The following SKAP1 variants were observed in gnomAD, a reference collection of about 807,000 sequenced individuals.
SKAP1 encodes src kinase associated phosphoprotein 1.
A neutral mutation model predicts 58.5 loss-of-function variants in SKAP1; 44 were observed. The ratio of observed to expected loss-of-function variants is 0.75; its 90% confidence interval spans 0.59 to 0.97. The LOEUF (loss-of-function observed/expected upper bound fraction) is 0.97, where lower values mean the gene tolerates loss of function less well. Among genes scored for constraint, SKAP1 ranks in the 50% least tolerant of loss-of-function variants. SKAP1 has a pLI of 0.00. For synonymous variants in SKAP1, 127 were observed against 149.7 expected (o/e 0.85, Z 1.11); for missense variants, 390 against 435.2 (o/e 0.90, Z 0.92).
At chr17:48,263,256 T>G (rs2065503536) in intron 4 of SKAP1, among the ~76,000 whole-genome samples, 1 of 152,194 alleles carries the variant, frequency 6.6e-6, no homozygotes, top group African/African-American at 2.4e-5. Flanking sequence ...ATAACCAATA[T>G]GTGGTTCAGA....
chr17:48,372,130 C>G (rs2067095610), intron 2 of SKAP1, among the ~76,000 whole-genome samples: 1 of 151,850 alleles, frequency 6.6e-6, no homozygotes, highest in African/African-American at 2.4e-5. Flanking sequence ...TGCCACCATA[C>G]CCAGTTAATT....
chr17:48,292,132 C>CAAAAAAAAAA (rs67360130), intron 4 of SKAP1, among the ~76,000 whole-genome samples: 1 of 121,582 alleles, frequency 8.2e-6, no homozygotes, highest in Admixed American at 8.3e-5. Context: ...TTAGCCTATT[C>CAAAAAAAAAA]AAAAAAAAAA....
Position 48,351,062 on chromosome 17 carries a change from A to T in SKAP1, c.179-5056T>A, listed in dbSNP as rs557296538. ...AAGCTGAACTATAGTAAGGTTAGCAAAACTGCAGCTTATTGGTCCTTATTA... is the reference window on the plus strand; with the variant it reads ...AAGCTGAACTATAGTAAGGTTAGCATAACTGCAGCTTATTGGTCCTTATTA... On this transcript the variant is annotated intron_variant, in intron 3 of 12. Coordinates refer to ENST00000336915, the MANE Select transcript of SKAP1 (RefSeq NM_003726.4). Among the ~76,000 whole-genome samples the T allele has an allele frequency of 4.6e-5, 7 of 152,320 alleles. No homozygotes were observed. In the South Asian group the frequency reaches 1.5e-3, roughly 32 times the overall value.
At chr17:48,175,452 T>C (rs1283386654) in intron 9 of SKAP1, among the ~76,000 whole-genome samples, 3 of 152,192 alleles carry the variant, frequency 2.0e-5, no homozygotes, top group African/African-American at 7.2e-5. Flanking sequence ...TAGCACCTCA[T>C]CAGACAACAT....
At chr17:48,251,249 T>C (rs557339364) in intron 4 of SKAP1, among the ~76,000 whole-genome samples, 1 of 152,374 alleles carries the variant, frequency 6.6e-6, no homozygotes, top group South Asian at 2.1e-4. Context: ...AAGTCTATTC[T>C]GCAGCAGGAA....
chr17:48,166,342 C>G (rs1300923599), intron 10 of SKAP1, among the ~76,000 whole-genome samples: 1 of 152,144 alleles, frequency 6.6e-6, no homozygotes, highest in Non-Finnish European at 1.5e-5. Flanking sequence ...TCATTGCATG[C>G]CAGGTTCTTT....
At chr17:48,405,425 C>CTT (rs1242189438) in intron 1 of SKAP1, among the ~76,000 whole-genome samples, 1 of 86,000 alleles carries the variant, frequency 1.2e-5, no homozygotes, top group East Asian at 2.6e-4. Context: ...TTCTTTCTTT[C>CTT]TTTCTTTCTT....
chr17:48,181,513 C>A (rs985396246), intron 8 of SKAP1, among the ~76,000 whole-genome samples: 2 of 152,200 alleles, frequency 1.3e-5, no homozygotes, highest in Non-Finnish European at 2.9e-5. Context: ...AAAGGCATAA[C>A]TGAGTAAAAC....
chr17:48,302,068 T>C (rs1332225493), intron 4 of SKAP1, among the ~76,000 whole-genome samples: 2 of 152,216 alleles, frequency 1.3e-5, no homozygotes, highest in Non-Finnish European at 2.9e-5. Context: ...ATCATAATGA[T>C]CAATGGTAGT....
chr17:48,190,536 G>A (rs556770315), intron 4 of SKAP1, among the ~76,000 whole-genome samples: 1 of 152,108 alleles, frequency 6.6e-6, no homozygotes, highest in African/African-American at 2.4e-5. Context: ...CACCATAAAC[G>A]TAGTCACCTA....
At chr17:48,233,068 C>T (rs753165346) in intron 4 of SKAP1, among the ~76,000 whole-genome samples, 13 of 152,204 alleles carry the variant, frequency 8.5e-5, no homozygotes, top group Non-Finnish European at 1.6e-4. Context: ...GCATTTCTGC[C>T]AATCCTGATC....
intron 1 of SKAP1, among the ~76,000 whole-genome samples, chr17:48,405,417 C>CTT (rs1386319877): frequency 1.3e-5 from 1 of 77,424 alleles, no homozygotes; most frequent in African/African-American, 5.4e-5. Context: ...TTCTTTCTTT[C>CTT]TTTCTTTCTT....
the SKAP1 span, among the ~76,000 whole-genome samples, chr17:48,442,743 C>G: frequency 6.6e-6 from 1 of 152,152 alleles, no homozygotes; most frequent in Non-Finnish European, 1.5e-5. Context: ...TCTGTTGCCA[C>G]CATCCTGGTC....
At chr17:48,345,690 G>A (rs1598596029) in intron 4 of SKAP1, among the ~76,000 whole-genome samples, 1 of 152,176 alleles carries the variant, frequency 6.6e-6, no homozygotes, top group African/African-American at 2.4e-5. Context: ...TATGGAATTA[G>A]TGTCTCCCTA....
intron 4 of SKAP1, among the ~76,000 whole-genome samples, chr17:48,274,293 G>A (rs1178328739): frequency 2.6e-5 from 4 of 152,084 alleles, no homozygotes; most frequent in Non-Finnish European, 5.9e-5. Flanking sequence ...CTACTCCAGA[G>A]GCTGAGGTAG....
At chr17:48,261,167 A>G (rs1174186410) in intron 4 of SKAP1, among the ~76,000 whole-genome samples, 1 of 152,138 alleles carries the variant, frequency 6.6e-6, no homozygotes, top group East Asian at 1.9e-4. Context: ...TTTTTGGAAA[A>G]TTTCTGATGC....
At chr17:48,365,112 T>G (rs1237473109) in intron 2 of SKAP1, among the ~76,000 whole-genome samples, 3 of 145,390 alleles carry the variant, frequency 2.1e-5, no homozygotes, top group Non-Finnish European at 4.6e-5. Context: ...ACAGTTACTG[T>G]TTTTTTGTTT....
At chr17:48,225,360 T>C (rs1263717209) in intron 4 of SKAP1, among the ~76,000 whole-genome samples, 1 of 152,236 alleles carries the variant, frequency 6.6e-6, no homozygotes, top group Non-Finnish European at 1.5e-5. Flanking sequence ...CACACATTTA[T>C]TTATCAAGTA....
intron 4 of SKAP1, among the ~76,000 whole-genome samples, chr17:48,215,711 C>A (rs1306288282): frequency 6.6e-6 from 1 of 152,002 alleles, no homozygotes; most frequent in East Asian, 1.9e-4. Flanking sequence ...CGAGACCACA[C>A]TGGATGGACA....
Sources: gnomAD v4.1 joint callset for allele counts (sites outside exome capture counted in the v4.1 genomes callset) on GRCh38, gnomAD v4.1.1 for gene constraint, MANE v1.5 for transcripts, NCBI Gene and HGNC (gene_info 2026-07-23, HGNC 2026-07-21) for gene names.